PDE4D: variants seen among roughly 807,000 people sequenced by gnomAD.
PDE4D encodes the protein phosphodiesterase 4D, also known as 3',5'-cyclic-AMP phosphodiesterase 4D.
PDE4D carries 24 observed loss-of-function variants against 87.4 expected under a neutral mutation model. That is an observed-to-expected ratio of 0.27 (90% CI 0.20 to 0.39). The LOEUF (loss-of-function observed/expected upper bound fraction) is 0.39. Among genes scored for constraint, PDE4D ranks in the 10% least tolerant of loss-of-function variants. The pLI is 1.00. For missense variants in PDE4D, 714 were observed against 1,041.0 expected (o/e 0.69, Z 4.32); for synonymous variants, 384 against 383.2 (o/e 1.00, Z -0.02).
intron 1 of PDE4D, among the ~76,000 whole-genome samples, chr5:59,238,929 T>G (rs946781433): frequency 1.3e-5 from 2 of 152,194 alleles, no homozygotes; most frequent in African/African-American, 4.8e-5. Flanking sequence ...AGATATTTAT[T>G]GCCTAGAGAC....
At chr5:59,885,135 T>C (rs1006906699) in intron 1 of PDE4D, among the ~76,000 whole-genome samples, 1 of 152,070 alleles carries the variant, frequency 6.6e-6, no homozygotes, top group Admixed American at 6.5e-5. Context: ...CCCTAAATTT[T>C]CAATATATGC....
At chr5:59,046,042 A>T (rs1760578274) in intron 5 of PDE4D, among the ~76,000 whole-genome samples, 1 of 152,224 alleles carries the variant, frequency 6.6e-6, no homozygotes, top group Admixed American at 6.5e-5. Flanking sequence ...CTTAAAAACT[A>T]CAACCTTGTA....
intron 1 of PDE4D, among the ~76,000 whole-genome samples, chr5:59,677,852 C>G (rs1217639268): frequency 6.6e-6 from 1 of 152,154 alleles, no homozygotes; most frequent in African/African-American, 2.4e-5. Context: ...TTGTATTTCC[C>G]TAGTCTACAT....
intron 1 of PDE4D, among the ~76,000 whole-genome samples, chr5:59,403,000 T>C (rs1230611236): frequency 6.6e-6 from 1 of 152,220 alleles, no homozygotes; most frequent in Non-Finnish European, 1.5e-5. Context: ...GTTTTATTTA[T>C]GGAACAACTT....
intron 1 of PDE4D, among the ~76,000 whole-genome samples, chr5:60,515,688 C>T (rs17589815): frequency 0.018 from 2,610 of 143,254 alleles, 39 homozygotes; most frequent in Non-Finnish European, 0.025. Context: ...ATGTATGATA[C>T]GGATGATATG....
chr5:60,211,391 A>G (rs921940977), intron 1 of PDE4D, among the ~76,000 whole-genome samples: 1 of 150,034 alleles, frequency 6.7e-6, no homozygotes, highest in African/African-American at 2.4e-5. Flanking sequence ...TCCAGATCCC[A>G]TTTCATATGG....
intron 1 of PDE4D, among the ~76,000 whole-genome samples, chr5:60,209,873 T>C (rs1236319783): frequency 1.3e-5 from 2 of 152,136 alleles, no homozygotes; most frequent in Admixed American, 1.3e-4. Flanking sequence ...CTGCAATAAT[T>C]ATCTTAGTTG....
At chr5:60,166,741 G>T (rs1465985068) in intron 2 of PDE4D, among the ~76,000 whole-genome samples, 1 of 151,954 alleles carries the variant, frequency 6.6e-6, no homozygotes, top group Non-Finnish European at 1.5e-5. Context: ...TTTTAACACA[G>T]GTCTGGCAAT....
intron 1 of PDE4D, among the ~76,000 whole-genome samples, chr5:59,512,405 C>G (rs1431171364): frequency 6.6e-6 from 1 of 152,236 alleles, no homozygotes; most frequent in Middle Eastern, 3.4e-3. Flanking sequence ...TCTGAGGAGT[C>G]ATGGAGCTCC....
chr5:59,443,084 A>G lies in PDE4D; in HGVS notation c.456-227116T>C, dbSNP rs559405839. Among the ~76,000 whole-genome samples the G allele has an allele frequency of 2.0e-5, 3 of 152,344 alleles. No individual in the cohort carries two copies. In the South Asian group the frequency reaches 6.2e-4, roughly 32 times the overall value. ...CACAAAGCTTACAATACTTTTTAGA[A>G]GAAATGACTTAAACACAATAAATTC... On this transcript the variant is annotated intron_variant, in intron 1 of 14. Coordinates refer to ENST00000340635, the MANE Select transcript of PDE4D (RefSeq NM_001104631.2).
intron 1 of PDE4D, among the ~76,000 whole-genome samples, chr5:59,316,756 T>G (rs1296502481): frequency 6.6e-6 from 1 of 152,204 alleles, no homozygotes; most frequent in African/African-American, 2.4e-5. Context: ...CCAAATGTAG[T>G]TGACAATGGC....
chr5:59,199,136 G>A (rs1440928304), intron 2 of PDE4D, among the ~76,000 whole-genome samples: 2 of 152,130 alleles, frequency 1.3e-5, no homozygotes, highest in Non-Finnish European at 2.9e-5. Context: ...TAAAGCATTA[G>A]TGGCCATGTA....
chr5:60,416,679 C>G (rs756718807), intron 1 of PDE4D, among the ~76,000 whole-genome samples: 2 of 152,196 alleles, frequency 1.3e-5, no homozygotes, highest in African/African-American at 4.8e-5. Flanking sequence ...TGAGCGTCCG[C>G]GGCTTCATTC....
upstream of PDE4D, among the ~76,000 whole-genome samples, chr5:60,492,138 A>G (rs1259782110): frequency 6.6e-6 from 1 of 152,078 alleles, no homozygotes; most frequent in African/African-American, 2.4e-5. Flanking sequence ...AAAAAAAAAA[A>G]AAGAAAATTG....
chr5:59,735,500 G>C (rs1757943820), intron 1 of PDE4D, among the ~76,000 whole-genome samples: 1 of 151,984 alleles, frequency 6.6e-6, no homozygotes, highest in African/African-American at 2.4e-5. Context: ...ATCAAACTCT[G>C]AAATTAAACA....
chr5:59,549,979 A>G (rs1817848325), intron 1 of PDE4D, among the ~76,000 whole-genome samples: 1 of 151,812 alleles, frequency 6.6e-6, no homozygotes, highest in Non-Finnish European at 1.5e-5. Context: ...TTTATTTCAC[A>G]GATGAAGAAA....
intron 1 of PDE4D, among the ~76,000 whole-genome samples, chr5:60,466,542 T>C (rs182297699): frequency 5.3e-5 from 8 of 152,334 alleles, no homozygotes; most frequent in Admixed American, 2.0e-4. Context: ...CTTAACATTT[T>C]ACAAATGCAT....
intron 3 of PDE4D, among the ~76,000 whole-genome samples, chr5:59,943,274 G>A (rs1196504621): frequency 4.6e-5 from 7 of 152,020 alleles, no homozygotes. Context: ...GAAGAAGGCA[G>A]TGGAGCTCAG....
intron 1 of PDE4D, among the ~76,000 whole-genome samples, chr5:59,375,751 C>A (rs774777491): frequency 9.2e-5 from 14 of 152,096 alleles, no homozygotes; most frequent in Non-Finnish European, 1.5e-4. Flanking sequence ...AAAACTCAGA[C>A]CAATATTCTT....
Sources: gnomAD v4.1 joint callset for allele counts (sites outside exome capture counted in the v4.1 genomes callset) on GRCh38, gnomAD v4.1.1 for gene constraint, MANE v1.5 for transcripts, NCBI Gene and HGNC (gene_info 2026-07-23, HGNC 2026-07-21) for gene names.